The following WNK1 variants were observed in gnomAD, a reference collection of about 807,000 sequenced individuals.
The protein encoded by WNK1 is serine/threonine-protein kinase WNK1.
Under a neutral mutation model 222.8 loss-of-function variants are expected in WNK1, and 38 were observed. The observed-to-expected ratio is 0.17, with a 90% CI of 0.13 to 0.22. The LOEUF (loss-of-function observed/expected upper bound fraction) is 0.22. Ranked by LOEUF, WNK1 falls within the 10% of genes least tolerant of loss-of-function variation. The pLI, the probability that WNK1 is intolerant of heterozygous loss-of-function variation, is 1.00. For synonymous variants in WNK1, 1,090 were observed against 1,092.9 expected (o/e 1.00, Z 0.05); for missense variants, 2,348 against 2,918.4 (o/e 0.80, Z 4.50).
At chr12:861,380 T>G in intron 7 of WNK1, 37 bp downstream of exon 7, 1 of 1,605,026 alleles carries the variant, frequency 6.2e-7, no homozygotes, top group South Asian at 1.1e-5. Flanking sequence ...AGGCTAATGA[T>G]TCTCCTAATT....
chr12:813,523 A>G (rs1473459777), intron 1 of WNK1, 119 bp from the exon 2 acceptor site: 1 of 1,039,458 alleles, frequency 9.6e-7, no homozygotes, highest in African/African-American at 1.6e-5. Flanking sequence ...TAACTTCAGC[A>G]TTTGCATTTT....
chr12:885,003 T>C lies in WNK1; in HGVS notation c.4199T>C (p.Ile1400Thr), dbSNP rs770654637. ...TGVVTSGGLP[I>T]PPVSESPVLS... ...GTGGTAACTTCAGGTGGTCTCCCCA[T>C]ACCACCTGTGTCTGAATCACCAGTA... Residue 1400 changes from isoleucine to threonine, a missense_variant, in exon 19 of 28, where the codon ATA (isoleucine) becomes ACA (threonine). This residue lies in a region of WNK1 where 1,144 missense variants were observed against 1,273.6 expected (regional missense o/e 0.90). Transcript: ENST00000315939. 6.2e-7 allele frequency: 1 copy of C among 1,614,176 alleles called. No homozygotes were observed. The highest frequency in any genetic ancestry group is 1.1e-5 in the South Asian group (1 of 91,084).
At position 776,322 on chromosome 12, in the gene WNK1, CTG is replaced by C. The variant is rs1487021192; in HGVS notation, c.759+22001_759+22002del. ...GTGCTGGGATTACAGGTGTGAGACA[CTG>C]TGGCCTTTTTCAGTTTTCAAGCTGC... On this transcript the variant is annotated intron_variant, in intron 1 of 27. Transcript: ENST00000315939. Among the ~76,000 whole-genome samples, 9 of 151,850 alleles carry C rather than the reference CTG, an allele frequency of 5.9e-5. No individual in the cohort carries two copies. The East Asian group carries it at 1.5e-3, about 26-fold the overall frequency.
At chr12:785,512 C>T (rs565683361) in intron 1 of WNK1, among the ~76,000 whole-genome samples, 1 of 149,312 alleles carries the variant, frequency 6.7e-6, no homozygotes, top group Admixed American at 6.9e-5. Context: ...GCAGTTCTGC[C>T]TCAGCCTCCC....
rs200215767 is a variant in WNK1 at position 880,780 on chromosome 12, C to T, written c.2892C>T (p.Ser964=). 1 of 1,614,098 alleles carries T rather than the reference C, an allele frequency of 6.2e-7. No homozygotes were observed. The highest frequency in any genetic ancestry group is 8.5e-7 in the Non-Finnish European group (1 of 1,180,004). Residue 964 remains serine, a synonymous_variant, in exon 12 of 28, where the codon TCC becomes TCT. Transcript: ENST00000315939. ...GAGATTCAAATATTGCTCCCTCTTC[C>T]AACGTGGCTTCTGTTTGCATCCATT... is the stretch of plus-strand genomic sequence containing the variant. ...YPGDSNIAPS[S]NVASVCIHST... is the part of the protein sequence containing the mutation.
intron 26 of WNK1, chr12:901,764 C>A: frequency 2.2e-6 from 1 of 459,142 alleles, no homozygotes; most frequent in Non-Finnish European, 3.5e-6. Context: ...TACTCAGTGG[C>A]TTGGCTGAAT....
chr12:766,195 A>G (rs1941672655), intron 1 of WNK1, among the ~76,000 whole-genome samples: 1 of 152,216 alleles, frequency 6.6e-6, no homozygotes, highest in South Asian at 2.1e-4. Flanking sequence ...TAACCTCACC[A>G]TTATGCAGTA....
chr12:893,118 G>T (rs1256951759), intron 22 of WNK1, among the ~76,000 whole-genome samples: 3 of 152,106 alleles, frequency 2.0e-5, no homozygotes, highest in Non-Finnish European at 4.4e-5. Flanking sequence ...TTAGCCGGAT[G>T]TGGTGGTGTG....
intron 8 of WNK1, among the ~76,000 whole-genome samples, chr12:870,476 A>G (rs1952048892): frequency 1.3e-5 from 2 of 152,206 alleles, no homozygotes; most frequent in African/African-American, 2.4e-5. Context: ...ATGGAATGAC[A>G]AAAGTGGTAG....
chr12:766,797 G>T (rs1402807958), intron 1 of WNK1, among the ~76,000 whole-genome samples: 1 of 149,918 alleles, frequency 6.7e-6, no homozygotes, highest in Non-Finnish European at 1.5e-5. Context: ...TTATTTTTGA[G>T]ATGGAGTCTT....
At chr12:771,026 C>A (rs575040470) in intron 1 of WNK1, among the ~76,000 whole-genome samples, 1 of 151,996 alleles carries the variant, frequency 6.6e-6, no homozygotes, top group Non-Finnish European at 1.5e-5. Flanking sequence ...ACGGAGTCTT[C>A]GCTTTGTCTC....
At chr12:854,178 G>A (rs1950600649) in intron 4 of WNK1, among the ~76,000 whole-genome samples, 1 of 151,718 alleles carries the variant, frequency 6.6e-6, no homozygotes, top group South Asian at 2.1e-4. Flanking sequence ...GATTAGCCTG[G>A]GGAACATAGC....
At chr12:823,881 C>T (rs1250372506) in intron 2 of WNK1, among the ~76,000 whole-genome samples, 11 of 147,198 alleles carry the variant, frequency 7.5e-5, no homozygotes, top group African/African-American at 2.8e-4. Flanking sequence ...ACCTGAAGTG[C>T]TTGATATATC....
At chr12:792,100 C>G (rs946237821) in intron 1 of WNK1, among the ~76,000 whole-genome samples, 1 of 152,070 alleles carries the variant, frequency 6.6e-6, no homozygotes, top group African/African-American at 2.4e-5. Flanking sequence ...TGCTACTCCC[C>G]TACGCTAGCC....
rs1033388205 is a variant in WNK1, at chr12:911,227, C to T, written c.*2435C>T. The T allele has an allele frequency of 5.0e-6, 2 of 398,312 alleles. No homozygotes were observed. Among genetic ancestry groups the T allele is most frequent in the Non-Finnish European group, 8.8e-6 (2 of 226,008 alleles). The allele number at this position is 398,312 out of a possible 1,614,324, so 24.7% of individuals were successfully genotyped here. On this transcript the variant is annotated 3_prime_UTR_variant, in exon 28 of 28. Transcript: ENST00000315939. ...TGAGTATCTTTTTCCACATTAAAAA[C>T]TTTCTGAATTATAAATGTTTTCCTT...
chr12:797,799 A>G (rs1945459940), intron 1 of WNK1, among the ~76,000 whole-genome samples: 2 of 151,902 alleles, frequency 1.3e-5, no homozygotes, highest in African/African-American at 2.4e-5. Context: ...ATACAAAAAA[A>G]TTAGCCGGGC....
intron 1 of WNK1, among the ~76,000 whole-genome samples, chr12:800,429 A>C (rs1337411764): frequency 6.6e-6 from 1 of 152,096 alleles, no homozygotes; most frequent in African/African-American, 2.4e-5. Flanking sequence ...GGGTGTTAAT[A>C]ATTTTTATTT....
chr12:793,165 T>C (rs1371013879), intron 1 of WNK1, among the ~76,000 whole-genome samples: 1 of 152,214 alleles, frequency 6.6e-6, no homozygotes, highest in Admixed American at 6.5e-5. Flanking sequence ...GAATAACATC[T>C]TCATGTGGCC....
chr12:888,528 A>AG (rs1953890194), intron 20 of WNK1, among the ~76,000 whole-genome samples: 1 of 152,186 alleles, frequency 6.6e-6, no homozygotes, highest in Non-Finnish European at 1.5e-5. Flanking sequence ...GATTGATAGA[A>AG]GCCAAGACAG....
Sources: gnomAD v4.1 joint callset for allele counts (sites outside exome capture counted in the v4.1 genomes callset) on GRCh38, gnomAD v4.1.1 for gene constraint, gnomAD v4.1.1 regional missense constraint, MANE v1.5 for transcripts, NCBI Gene and HGNC (gene_info 2026-07-23, HGNC 2026-07-21) for gene names.